ARVCF: variants seen among roughly 807,000 people sequenced by gnomAD.
ARVCF encodes the protein ARVCF delta catenin family member, also known as splicing regulator ARVCF.
ARVCF carries 66 observed loss-of-function variants against 90.9 expected under a neutral mutation model. The observed-to-expected ratio is 0.73, with a 90% CI of 0.60 to 0.89. The LOEUF is 0.89. ARVCF is among the 40% of genes least tolerant of loss of function. The pLI is 0.00. For missense variants in ARVCF, 1,469 were observed against 1,382.3 expected, an observed-to-expected ratio of 1.06 and a Z score of -1.00; for synonymous variants, 653 against 603.4, an observed-to-expected ratio of 1.08 and a Z score of -1.21.
Position 19,971,293 on chromosome 22 carries a change from G to C in ARVCF, c.2824C>G (p.Pro942Ala), listed in dbSNP as rs746572897. 6.4e-7 allele frequency: 1 copy of C among 1,556,650 alleles called. No individual in the cohort carries two copies. The highest frequency in any genetic ancestry group is 8.7e-7 in the Non-Finnish European group (1 of 1,149,596). Reference sequence around the variant, plus strand: ...ACGGCGTCCACCAGCCTGACCGCGGGCCTGCTGGGCCCGGGGGGAGGGGCC... The same window carrying C: ...ACGGCGTCCACCAGCCTGACCGCGGCCCTGCTGGGCCCGGGGGGAGGGGCC... Reference protein sequence around the residue: ...RKAPPPGPSRPAVRLVDAVGD... With the variant: ...RKAPPPGPSRAAVRLVDAVGD... Residue 942 changes from proline to alanine, a missense_variant, in exon 19 of 20, where the codon CCC becomes GCC. By Grantham distance (27) the Pro-to-Ala change is conservative. Transcript: ENST00000263207.
chr22:19,986,121 T>C (rs763931327), intron 3 of ARVCF, among the ~76,000 whole-genome samples: 1 of 152,152 alleles, frequency 6.6e-6, no homozygotes, highest in South Asian at 2.1e-4. Context: ...GGGAGCAAAC[T>C]TGGGGTGGGA....
chr22:19,972,361 G>A lies in ARVCF; in HGVS notation c.2692C>T (p.Pro898Ser). 1 of 1,613,698 alleles carries A rather than the reference G, an allele frequency of 6.2e-7. No individual in the cohort carries two copies. Among genetic ancestry groups the A allele is most frequent in the Non-Finnish European group, 8.5e-7 (1 of 1,179,988 alleles). ...RDVIPMDALG[P>S]DGYSTVDRRE... Reference sequence around the variant, plus strand: ...ACCACACTGCATCTGCACTCACCTGGGCCCAGCGCATCCATGGGGATCACA... The same window carrying A: ...ACCACACTGCATCTGCACTCACCTGAGCCCAGCGCATCCATGGGGATCACA... The change falls in exon 17 of 20, where the codon CCA (proline) becomes TCA (serine). Residue 898 changes from proline to serine, a missense_variant. Coordinates refer to ENST00000263207, the MANE Select transcript of ARVCF (RefSeq NM_001670.3).
chr22:19,986,598 G>C (rs1042734641), intron 3 of ARVCF: 1 of 154,528 alleles, frequency 6.5e-6, no homozygotes, highest in African/African-American at 2.4e-5. Context: ...CAGAGCCGGC[G>C]TAGGGGGTGT....
Position 19,978,182 on chromosome 22 carries a change from C to T in ARVCF, c.1581-107G>A, listed in dbSNP as rs533971522. ...ATCTGCAAAATAGGCCCTGCTGCTGCCCTCCTAGCACTAATGGGAAAGGAC... is the reference window on the plus strand; with the variant it reads ...ATCTGCAAAATAGGCCCTGCTGCTGTCCTCCTAGCACTAATGGGAAAGGAC... On this transcript the variant is annotated intron_variant, in intron 7 of 19. Transcript: ENST00000263207. 3.1e-6 allele frequency: 3 copies of T among 979,806 alleles called. No homozygotes were observed. The South Asian group carries it at 4.9e-5, about 16-fold the overall frequency. 60.7% of individuals were successfully genotyped at this position (979,806 alleles called of 1,614,324 possible).
intron 2 of ARVCF, among the ~76,000 whole-genome samples, chr22:19,993,153 G>A (rs968046772): frequency 1.3e-5 from 2 of 152,068 alleles, no homozygotes; most frequent in African/African-American, 2.4e-5. Flanking sequence ...TGCCCTGGGG[G>A]GAAGTGCCCT....
intron 2 of ARVCF, among the ~76,000 whole-genome samples, chr22:20,003,375 C>A (rs1192692423): frequency 6.6e-6 from 1 of 152,156 alleles, no homozygotes; most frequent in East Asian, 1.9e-4. Context: ...CAGCCTTACC[C>A]TAATACCAAA....
Position 19,977,720 on chromosome 22 carries a change from A to G in ARVCF, c.1699-134T>C, listed in dbSNP as rs138123851. 1.4e-3 allele frequency: 1,790 copies of G among 1,276,982 alleles called. 46 individuals carry two copies. The East Asian group carries it at 0.041, about 29-fold the overall frequency. The allele number at this position is 1,276,982 out of a possible 1,614,324, so 79.1% of individuals were successfully genotyped here. On this transcript the variant is annotated intron_variant, in intron 8 of 19. Coordinates refer to ENST00000263207, the MANE Select transcript of ARVCF (RefSeq NM_001670.3). The stretch of plus-strand genomic sequence containing the variant: ...AGGGAGTCCTCAGTGGAGGGGAGCA[A>G]AAGGGCGGTAACCGCCAGGAAGGGT...
intron 1 of ARVCF, among the ~76,000 whole-genome samples, chr22:20,011,293 T>C (rs1235610818): frequency 1.3e-5 from 2 of 152,132 alleles, no homozygotes; most frequent in Non-Finnish European, 2.9e-5. Flanking sequence ...AGAGTGTTCA[T>C]GTCATAAAAA....
At chr22:19,965,950 C>T (rs531510802), downstream of ARVCF, among the ~76,000 whole-genome samples, 1 of 152,238 alleles carries the variant, frequency 6.6e-6, no homozygotes, top group Non-Finnish European at 1.5e-5. Flanking sequence ...ATGGGCTTCA[C>T]TTGGGCAGGA....
At chr22:19,965,846 C>T (rs1942363247), downstream of ARVCF, among the ~76,000 whole-genome samples, 1 of 152,086 alleles carries the variant, frequency 6.6e-6, no homozygotes, top group Non-Finnish European at 1.5e-5. Flanking sequence ...GACCTACAGG[C>T]CAAGACAGGG....
intron 19 of ARVCF, 65 bp downstream of exon 19, chr22:19,971,151 C>T: frequency 1.3e-6 from 2 of 1,550,290 alleles, no homozygotes; most frequent in Non-Finnish European, 1.7e-6. Context: ...GCAGCGGAGA[C>T]TAACAAGAAG....
At chr22:19,997,505 C>G in intron 2 of ARVCF, among the ~76,000 whole-genome samples, 1 of 152,186 alleles carries the variant, frequency 6.6e-6, no homozygotes, top group South Asian at 2.1e-4. Context: ...AAGGAGTCCT[C>G]CAGGTCCCGA....
chr22:19,981,853 C>A (rs1373581380), intron 4 of ARVCF, 80 bp downstream of exon 4: 3 of 1,564,436 alleles, frequency 1.9e-6, no homozygotes, highest in Admixed American at 1.8e-5. Flanking sequence ...ACGTGGCAAG[C>A]TTCCATGTCC....
At chr22:19,993,464 G>A (rs992389635) in intron 2 of ARVCF, among the ~76,000 whole-genome samples, 3 of 152,190 alleles carry the variant, frequency 2.0e-5, no homozygotes, top group Non-Finnish European at 4.4e-5. Context: ...AGTGGGCACC[G>A]GATTTGCTTT....
Position 19,979,942 on chromosome 22 carries a change from C to T in ARVCF, c.1197G>A (p.Leu399=), listed in dbSNP as rs1424690904. The T allele has an allele frequency of 6.3e-7, 1 of 1,595,748 alleles. No individual in the cohort carries two copies. The highest frequency in any genetic ancestry group is 1.3e-5 in the African/African-American group (1 of 74,602). Reference sequence around the variant, plus strand: ...GTGCCACAAGCAGCGGCAGCCCCCGCAACTGCCGTACACGCCGCTTGACAC... The same window carrying T: ...GTGCCACAAGCAGCGGCAGCCCCCGTAACTGCCGTACACGCCGCTTGACAC... ...NEGVKRRVRQ[L]RGLPLLVALL... is the part of the protein sequence containing the mutation. Residue 399 remains leucine (L), a synonymous_variant, in exon 6 of 20, where the codon TTG becomes TTA. Transcript: ENST00000263207.
chr22:19,993,394 A>G (rs1198652284), intron 2 of ARVCF, among the ~76,000 whole-genome samples: 1 of 152,270 alleles, frequency 6.6e-6, no homozygotes, highest in Non-Finnish European at 1.5e-5. Context: ...TATGATGTCA[A>G]GGAAAGCAAA....
At chr22:19,990,949 C>T (rs1944003352) in intron 2 of ARVCF, 137 bp from the exon 3 acceptor site, 1 of 861,392 alleles carries the variant, frequency 1.2e-6, no homozygotes, top group Non-Finnish European at 1.7e-6. Flanking sequence ...GGGAAGCACA[C>T]TGATTAAATT....
rs748542625 is a variant in ARVCF at position 19,979,791 on chromosome 22, G to A, written c.1348C>T (p.Arg450Cys). Residue 450 changes from arginine (R) to cysteine (C), a missense_variant, in exon 6 of 20, where the codon CGC becomes TGC. By Grantham distance (180) the Arg-to-Cys change is radical. Transcript: ENST00000263207. ...TTGTCCCGGGCAGCCCTCAGCAGGC[G>A]CACCAGGGCAGGCACACCACCGCAG... ...RDCGGVPALVRLLRAARDNEV... is the reference protein window; with the variant it reads ...RDCGGVPALVCLLRAARDNEV... The A allele has an allele frequency of 6.8e-6, 11 of 1,607,942 alleles. No individual in the cohort carries two copies. Among genetic ancestry groups the A allele is most frequent in the East Asian group, 4.5e-5 (2 of 44,648 alleles).
At position 19,976,771 on chromosome 22, in the gene ARVCF, G is replaced by A. The variant is rs1601588101; in HGVS notation, c.1871-48C>T. ...GGAGAGAGGAGAGGAGCCTGAACAG[G>A]CAGCACTCATCACCCCCCCATGCCC... On this transcript the variant is annotated intron_variant, in intron 9 of 19. Transcript: ENST00000263207. The A allele has an allele frequency of 4.5e-6, 7 of 1,551,512 alleles. No homozygotes were observed. In the East Asian group the frequency reaches 1.4e-4, roughly 32 times the overall value.
Sources: allele counts gnomAD v4.1 joint callset (sites outside exome capture counted in the v4.1 genomes callset), GRCh38; gene constraint gnomAD v4.1.1; transcripts MANE v1.5; gene names NCBI Gene and HGNC (gene_info 2026-07-23, HGNC 2026-07-21).